FRS2: variants seen among roughly 807,000 people sequenced by gnomAD.
The protein encoded by FRS2 is FGFR signalling adaptor.
A neutral mutation model predicts 43.9 loss-of-function variants in FRS2; 8 were observed. That is an observed-to-expected ratio of 0.18 (90% CI 0.11 to 0.33). FRS2 has a LOEUF of 0.33. Among genes scored for constraint, FRS2 ranks in the 10% least tolerant of loss-of-function variants. The probability of loss-of-function intolerance (pLI) is 1.00; values close to 1 mark genes in which losing one functional copy is unlikely to be tolerated. For missense variants in FRS2, 534 were observed against 627.6 expected (o/e 0.85, Z 1.59); for synonymous variants, 219 against 220.3 (o/e 0.99, Z 0.05).
At chr12:69,514,639 C>T (rs887490090) in intron 1 of FRS2, among the ~76,000 whole-genome samples, 9 of 152,106 alleles carry the variant, frequency 5.9e-5, no homozygotes, top group Admixed American at 2.6e-4. Context: ...TCTAGACCAG[C>T]CTGGCCAACA....
At position 69,532,067 on chromosome 12, in the gene FRS2, G is replaced by A. The variant is rs550390770; in HGVS notation, c.-122+11G>A. 45 of 152,680 alleles carry A rather than the reference G, an allele frequency of 2.9e-4. No homozygotes were observed. Among genetic ancestry groups the A allele is most frequent in the African/African-American group, 9.9e-4 (41 of 41,552 alleles). The allele number at this position is 152,680 out of a possible 1,614,324, so 9.5% of individuals were successfully genotyped here. On this transcript the variant is annotated intron_variant, in intron 3 of 8. Coordinates refer to ENST00000549921, the MANE Select transcript of FRS2 (RefSeq NM_001278356.2). The stretch of plus-strand genomic sequence containing the variant: ...AGAGAATTCCACAAGGTAAGAAATT[G>A]TAAATATAGTAATAAAACTAATATT...
chr12:69,521,276 G>GT lies in FRS2; in HGVS notation c.-260-9586dup, dbSNP rs144848175. On this transcript the variant is annotated intron_variant, in intron 1 of 8. Coordinates refer to ENST00000549921, the MANE Select transcript of FRS2 (RefSeq NM_001278356.2). ...TTTGTATCCTGAAACTGCTGAAGTT[G>GT]TTTATCAGATCTAGGAGCTTTTGGG... 6.3e-3 allele frequency among the ~76,000 whole-genome samples: 957 copies of GT among 152,260 alleles called. 9 individuals are homozygous for GT. The highest frequency in any genetic ancestry group is 0.022 in the African/African-American group (913 of 41,558).
intron 1 of FRS2, among the ~76,000 whole-genome samples, chr12:69,515,617 C>G (rs947218775): frequency 6.6e-6 from 1 of 152,004 alleles, no homozygotes; most frequent in African/African-American, 2.4e-5. Flanking sequence ...ACCCACTCCT[C>G]GAGAGGGAGA....
rs193087713 is a variant in FRS2, at chr12:69,501,472, A to G, written c.-260-29393A>G. 3.9e-5 allele frequency among the ~76,000 whole-genome samples: 6 copies of G among 152,348 alleles called. No individual in the cohort carries two copies. The East Asian group carries it at 1.2e-3, about 29-fold the overall frequency. On this transcript the variant is annotated intron_variant, in intron 1 of 8. Coordinates refer to ENST00000549921, the MANE Select transcript of FRS2 (RefSeq NM_001278356.2). ...AGCAGAAGAGATGTATTAGAATTAG[A>G]TATCTCTTGCTGTTATCTGCTCTTG...
At chr12:69,505,959 A>C (rs1170936639) in intron 1 of FRS2, among the ~76,000 whole-genome samples, 1 of 152,178 alleles carries the variant, frequency 6.6e-6, no homozygotes. Context: ...TTTCTTGTTC[A>C]AGAAGTGTTT....
chr12:69,471,625 G>T (rs1372147092), intron 1 of FRS2, among the ~76,000 whole-genome samples: 1 of 152,246 alleles, frequency 6.6e-6, no homozygotes, highest in East Asian at 1.9e-4. Flanking sequence ...TTAGTGAACA[G>T]ATTTTAGGTA....
At chr12:69,500,813 G>T (rs952376679) in intron 1 of FRS2, among the ~76,000 whole-genome samples, 1 of 152,108 alleles carries the variant, frequency 6.6e-6, no homozygotes, top group Non-Finnish European at 1.5e-5. Flanking sequence ...CATATACAAA[G>T]GTATGAACCA....
In FRS2 at chr12:69,488,496, A is replaced by G. The variant is rs538190553; in HGVS notation, c.-261+17966A>G. 2.0e-4 allele frequency among the ~76,000 whole-genome samples: 30 copies of G among 152,354 alleles called. 1 individual carries two copies. The South Asian group carries it at 6.0e-3, about 30-fold the overall frequency. ...CACTTAATAGACTACGGTACAGTGT[A>G]AACATAACTTTTGTTTGCCCTGGGA... On this transcript the variant is annotated intron_variant, in intron 1 of 8. Transcript: ENST00000549921.
chr12:69,494,287 T>C (rs1872699716), intron 1 of FRS2, among the ~76,000 whole-genome samples: 1 of 152,194 alleles, frequency 6.6e-6, no homozygotes, highest in Admixed American at 6.5e-5. Flanking sequence ...GGGCCAGAGC[T>C]CTGTCTGTGA....
chr12:69,522,755 G>A (rs1042972549), intron 1 of FRS2, among the ~76,000 whole-genome samples: 3 of 152,140 alleles, frequency 2.0e-5, no homozygotes, highest in South Asian at 2.1e-4. Flanking sequence ...CCCTCTTCAC[G>A]CTGCCTTAGC....
intron 8 of FRS2, 107 bp from the exon 9 acceptor site, chr12:69,573,898 G>T: frequency 1.5e-6 from 1 of 687,820 alleles, no homozygotes; most frequent in Non-Finnish European, 2.4e-6. Flanking sequence ...TGGAGAGAAA[G>T]TTAATACAGT....
At chr12:69,516,444 C>T (rs985813084) in intron 1 of FRS2, among the ~76,000 whole-genome samples, 5 of 151,980 alleles carry the variant, frequency 3.3e-5, no homozygotes, top group East Asian at 3.9e-4. Flanking sequence ...TCTTGAACTC[C>T]GGACCTCAGG....
chr12:69,488,537 G>A (rs1367150344), intron 1 of FRS2, among the ~76,000 whole-genome samples: 1 of 152,132 alleles, frequency 6.6e-6, no homozygotes, highest in Non-Finnish European at 1.5e-5. Context: ...AAAACTTTGT[G>A]ACTTGCCTTA....
intron 3 of FRS2, among the ~76,000 whole-genome samples, chr12:69,536,506 T>G (rs1877326166): frequency 6.6e-6 from 1 of 152,108 alleles, no homozygotes; most frequent in African/African-American, 2.4e-5. Flanking sequence ...TTGTTCTGAA[T>G]GACAATCTTT....
intron 1 of FRS2, among the ~76,000 whole-genome samples, chr12:69,505,972 T>C (rs537674551): frequency 6.6e-6 from 1 of 152,346 alleles, no homozygotes; most frequent in African/African-American, 2.4e-5. Context: ...AAGTGTTTCA[T>C]TAGTTTTTCT....
At chr12:69,540,786 G>C (rs1188606855) in intron 3 of FRS2, among the ~76,000 whole-genome samples, 1 of 152,192 alleles carries the variant, frequency 6.6e-6, no homozygotes, top group African/African-American at 2.4e-5. Context: ...TAGGTTGTCA[G>C]GGGTAACATC....
chr12:69,477,754 T>TTATG (rs1870955590), intron 1 of FRS2, among the ~76,000 whole-genome samples: 1 of 146,272 alleles, frequency 6.8e-6, no homozygotes, highest in East Asian at 2.0e-4. Context: ...ATTTATTTAT[T>TTATG]TTTTGAGACA....
At chr12:69,559,679 T>C (rs919651706) in intron 3 of FRS2, among the ~76,000 whole-genome samples, 1 of 152,150 alleles carries the variant, frequency 6.6e-6, no homozygotes, top group African/African-American at 2.4e-5. Context: ...CTTAGCTTTT[T>C]TTCTTAACTC....
At chr12:69,538,221 A>ATG (rs1877520268) in intron 3 of FRS2, among the ~76,000 whole-genome samples, 4 of 121,434 alleles carry the variant, frequency 3.3e-5, no homozygotes, top group African/African-American at 1.3e-4. Context: ...ATATATATAT[A>ATG]TAGCATTGCA....
Sources: gnomAD v4.1 joint callset for allele counts (sites outside exome capture counted in the v4.1 genomes callset) on GRCh38, gnomAD v4.1.1 for gene constraint, MANE v1.5 for transcripts, NCBI Gene and HGNC (gene_info 2026-07-23, HGNC 2026-07-21) for gene names.